Variants in FBXO34 observed in about 807,000 individuals in gnomAD.
FBXO34 encodes F-box only protein 34.
A neutral mutation model predicts 24.5 loss-of-function variants in FBXO34; 12 were observed. That is an observed-to-expected ratio of 0.49 (90% CI 0.31 to 0.79). FBXO34 has a LOEUF of 0.79. Among genes scored for constraint, FBXO34 ranks in the 30% least tolerant of loss-of-function variants. The pLI, the probability that FBXO34 is intolerant of heterozygous loss-of-function variation, is 0.04. For missense variants in FBXO34, 823 were observed against 857.7 expected, an observed-to-expected ratio of 0.96 and a Z score of 0.51; for synonymous variants, 320 against 311.9, an observed-to-expected ratio of 1.03 and a Z score of -0.27.
At position 55,352,257 on chromosome 14, in the gene FBXO34, C is replaced by T; in HGVS notation, c.1867C>T (p.Arg623Ter). The T allele has an allele frequency of 1.9e-6, 3 of 1,614,128 alleles. No individual in the cohort carries two copies. The highest frequency in any genetic ancestry group is 2.5e-6 in the Non-Finnish European group (3 of 1,180,018). ...NIRPADSRWV[R>*]DPRYREDPCK... Reference sequence around the variant, plus strand: ...CAGGCCAGCAGATTCTCGCTGGGTTCGAGATCCACGCTATAGAGAGGATCC... The same window carrying T: ...CAGGCCAGCAGATTCTCGCTGGGTTTGAGATCCACGCTATAGAGAGGATCC... The change falls in exon 2 of 2, where the codon CGA becomes TGA. Residue 623 changes from arginine (R) to a stop codon, truncating the protein, a stop_gained. Coordinates refer to ENST00000313833, the MANE Select transcript of FBXO34 (RefSeq NM_017943.4). LOFTEE classifies it high-confidence loss of function.
At chr14:55,283,734 C>T (rs757871365) in intron 1 of FBXO34, among the ~76,000 whole-genome samples, 8 of 152,150 alleles carry the variant, frequency 5.3e-5, no homozygotes, top group Non-Finnish European at 1.0e-4. Context: ...GCTGGGATTA[C>T]AGGCACGTGA....
chr14:55,385,768 G>C, the FBXO34 span: 1 of 1,130,016 alleles, frequency 8.8e-7, no homozygotes, highest in African/African-American at 1.6e-5. Context: ...AATGACCCTA[G>C]AATAAGACCC....
chr14:55,393,800 C>T, the FBXO34 span, among the ~76,000 whole-genome samples: 2 of 152,122 alleles, frequency 1.3e-5, no homozygotes, highest in East Asian at 1.9e-4. Flanking sequence ...CAATCCACCT[C>T]GGACTCCCAA....
chr14:55,414,986 G>A, the FBXO34 span, among the ~76,000 whole-genome samples: 1 of 152,200 alleles, frequency 6.6e-6, no homozygotes, highest in Non-Finnish European at 1.5e-5. Flanking sequence ...CACTCGTAAA[G>A]TCTTGTTTCA....
At chr14:55,434,251 A>C in the FBXO34 span, among the ~76,000 whole-genome samples, 1 of 152,218 alleles carries the variant, frequency 6.6e-6, no homozygotes, top group East Asian at 1.9e-4. Flanking sequence ...TGAATGACAG[A>C]AAGTTGATGT....
intron 1 of FBXO34, among the ~76,000 whole-genome samples, chr14:55,331,581 A>G (rs899320136): frequency 2.1e-5 from 3 of 144,714 alleles, no homozygotes; most frequent in East Asian, 2.0e-4. Context: ...ACATACCAAC[A>G]TGGTGTGTGT....
rs1883389969 is a variant in FBXO34 at position 55,327,811 on chromosome 14, C to A, written c.-10-22570C>A. 2.6e-5 allele frequency among the ~76,000 whole-genome samples: 4 copies of A among 151,076 alleles called. No individual in the cohort carries two copies. The South Asian group carries it at 8.4e-4, about 32-fold the overall frequency. ...AGTGCCAAACCCTATATATATTGTG[C>A]ACGAAATCTTTTTTCATTCGCAATT... On this transcript the variant is annotated intron_variant, in intron 1 of 1. Coordinates refer to ENST00000313833, the MANE Select transcript of FBXO34 (RefSeq NM_017943.4).
At chr14:55,285,691 C>G (rs1298200117) in intron 1 of FBXO34, 1 of 152,216 alleles carries the variant, frequency 6.6e-6, no homozygotes, top group Non-Finnish European at 1.5e-5. Flanking sequence ...CCTGCCAGCT[C>G]ATTTGTTGGT....
chr14:55,439,617 C>CCCCCGCCCCCG, the FBXO34 span, among the ~76,000 whole-genome samples: 8 of 72,628 alleles, frequency 1.1e-4, 2 homozygotes, highest in Admixed American at 7.0e-4. Context: ...AAAGCAAACC[C>CCCCCGCCCCCG]CCCCCCGTCT....
At chr14:55,281,991 C>CTTTTTTTTTTTTT (rs372305828) in intron 1 of FBXO34, among the ~76,000 whole-genome samples, 1 of 65,162 alleles carries the variant, frequency 1.5e-5, no homozygotes, top group Admixed American at 1.6e-4. Flanking sequence ...TTAAATTTAG[C>CTTTTTTTTTTTTT]TTTTTTTTTT....
the FBXO34 span, among the ~76,000 whole-genome samples, chr14:55,399,628 T>C: frequency 6.6e-6 from 1 of 152,254 alleles, no homozygotes; most frequent in Non-Finnish European, 1.5e-5. Context: ...TATGCTTCTG[T>C]TTCCTTGTAT....
chr14:55,351,139 A>C lies in FBXO34; in HGVS notation c.749A>C (p.Glu250Ala). ...TCCAGAGGTGTGCCTGCAGTGTCTG[A>C]GTCCTATTCTGCCCCAGGAGCTTGT... The part of the protein sequence containing the change: ...GQSRGVPAVS[E>A]SYSAPGACEE... Residue 250 changes from glutamate to alanine, a missense_variant, in exon 2 of 2, where the codon GAG becomes GCG. This residue lies in a region of FBXO34 where 693 missense variants were observed against 659.1 expected (regional missense o/e 1.05). Coordinates refer to ENST00000313833, the MANE Select transcript of FBXO34 (RefSeq NM_017943.4). 6.2e-7 allele frequency: 1 copy of C among 1,614,230 alleles called. No individual in the cohort carries two copies. Among genetic ancestry groups the C allele is most frequent in the Non-Finnish European group, 8.5e-7 (1 of 1,180,040 alleles).
At chr14:55,377,816 T>C in the FBXO34 span, 1 of 1,565,878 alleles carries the variant, frequency 6.4e-7, no homozygotes, top group African/African-American at 1.4e-5. Flanking sequence ...AATATCTTCT[T>C]ACCTGCCTAG....
At chr14:55,322,045 G>A (rs144533597) in intron 1 of FBXO34, among the ~76,000 whole-genome samples, 1 of 152,136 alleles carries the variant, frequency 6.6e-6, no homozygotes, top group Non-Finnish European at 1.5e-5. Flanking sequence ...TCTTTCAGCT[G>A]GGCGTGGTGG....
At chr14:55,396,844 T>C in the FBXO34 span, among the ~76,000 whole-genome samples, 1 of 152,044 alleles carries the variant, frequency 6.6e-6, no homozygotes, top group Non-Finnish European at 1.5e-5. Flanking sequence ...ATTCCCACCA[T>C]TCCCCCCCAC....
intron 1 of FBXO34, among the ~76,000 whole-genome samples, chr14:55,291,753 T>G (rs1361597333): frequency 6.6e-6 from 1 of 151,944 alleles, no homozygotes; most frequent in African/African-American, 2.4e-5. Flanking sequence ...GGAGAATTGC[T>G]TGAGCCCAGA....
chr14:55,419,667 C>T, the FBXO34 span, among the ~76,000 whole-genome samples: 1 of 152,188 alleles, frequency 6.6e-6, no homozygotes, highest in Non-Finnish European at 1.5e-5. Flanking sequence ...GACATGGTGG[C>T]TGTAGCTGTG....
chr14:55,338,048 CTTTTT>C (rs58194693), intron 1 of FBXO34, among the ~76,000 whole-genome samples: 6 of 88,252 alleles, frequency 6.8e-5, no homozygotes, highest in Admixed American at 4.5e-4. Flanking sequence ...GTATGTACTT[CTTTTT>C]TTTTTTTTTT....
At chr14:55,299,105 G>C in intron 1 of FBXO34, 1 of 1,356,254 alleles carries the variant, frequency 7.4e-7, no homozygotes, top group Non-Finnish European at 1.1e-6. Flanking sequence ...AGCTCATGGC[G>C]GAATTAGAAG....
Sources: allele counts gnomAD v4.1 joint callset (sites outside exome capture counted in the v4.1 genomes callset), GRCh38; gene constraint gnomAD v4.1.1; regional missense constraint gnomAD v4.1.1; transcripts MANE v1.5; gene names NCBI Gene and HGNC (gene_info 2026-07-23, HGNC 2026-07-21).